Variants in RTL4 observed in about 807,000 individuals in gnomAD.
The protein encoded by RTL4 is retrotransposon Gag like 4, also known as retrotransposon Gag-like protein 4.
Under a neutral mutation model 5.3 loss-of-function variants are expected in RTL4, and 4 were observed. The ratio of observed to expected loss-of-function variants is 0.75; its 90% CI spans 0.37 to 1.72. The LOEUF (loss-of-function observed/expected upper bound fraction) is 1.72. Ranked by LOEUF, RTL4 falls within the 40% of genes most tolerant of loss-of-function variation. The pLI, the probability that RTL4 is intolerant of heterozygous loss-of-function variation, is 0.04. For synonymous variants in RTL4, 98 were observed against 87.3 expected (o/e 1.12, Z -0.68); for missense variants, 260 against 227.1 (o/e 1.14, Z -0.93).
chrX:112,300,252 A>C, the RTL4 span, among the ~76,000 whole-genome samples: 1 of 112,180 alleles, frequency 8.9e-6, no homozygotes, highest in South Asian at 3.6e-4. Context: ...TAACAGCTGC[A>C]TAATATTCCA....
At chrX:112,142,344 C>G in the RTL4 span, among the ~76,000 whole-genome samples, 54 of 112,424 alleles carry the variant, frequency 4.8e-4, no homozygotes, top group African/African-American at 1.7e-3. Context: ...CTCAAAATCT[C>G]TTTCAGGCTC....
the RTL4 span, among the ~76,000 whole-genome samples, chrX:112,125,617 C>T: frequency 3.6e-5 from 4 of 111,862 alleles, no homozygotes; most frequent in African/African-American, 1.3e-4. Context: ...GCACAATTAA[C>T]TTAGACCCCT....
the RTL4 span, among the ~76,000 whole-genome samples, chrX:112,443,542 C>A: frequency 8.9e-6 from 1 of 112,008 alleles, no homozygotes; most frequent in Non-Finnish European, 1.9e-5. Context: ...TACTAATTTA[C>A]AATCCCATCA....
the RTL4 span, among the ~76,000 whole-genome samples, chrX:112,255,058 A>C: frequency 8.9e-6 from 1 of 112,020 alleles, no homozygotes; most frequent in Non-Finnish European, 1.9e-5. Flanking sequence ...CTTAACAAAA[A>C]CTTGCAAAAT....
the RTL4 span, among the ~76,000 whole-genome samples, chrX:112,409,823 C>A: frequency 9.1e-6 from 1 of 109,821 alleles, no homozygotes; most frequent in Non-Finnish European, 1.9e-5. Context: ...GAAGAGAAGA[C>A]CCAAACCACA....
the RTL4 span, among the ~76,000 whole-genome samples, chrX:112,326,501 C>G: frequency 1.3e-4 from 15 of 111,835 alleles, no homozygotes; most frequent in African/African-American, 4.9e-4. Flanking sequence ...CTCGGAGGGT[C>G]CTACGCCCAC....
chrX:112,434,862 G>A, the RTL4 span, among the ~76,000 whole-genome samples: 4 of 111,343 alleles, frequency 3.6e-5, no homozygotes, highest in Non-Finnish European at 7.5e-5. Flanking sequence ...GGAAATATCC[G>A]AAACTGGGTA....
At chrX:112,172,579 C>T in the RTL4 span, among the ~76,000 whole-genome samples, 1 of 111,127 alleles carries the variant, frequency 9.0e-6, no homozygotes, top group Non-Finnish European at 1.9e-5. Flanking sequence ...ATAGTTCAAC[C>T]ACGGTGGAAG....
chrX:112,330,572 C>T, the RTL4 span, among the ~76,000 whole-genome samples: 2 of 110,549 alleles, frequency 1.8e-5, no homozygotes, highest in African/African-American at 3.3e-5. Context: ...ATGAAAATGG[C>T]CATACTGCCC....
chrX:112,456,973 T>A (rs1262608642), exon 1 of RTL4: 1 of 123,314 alleles, frequency 8.1e-6, no homozygotes, highest in Admixed American at 9.5e-5. Context: ...CTCCCTAAAA[T>A]GTTAAAACTG....
the RTL4 span, among the ~76,000 whole-genome samples, chrX:112,359,336 A>G: frequency 8.9e-6 from 1 of 111,769 alleles, no homozygotes; most frequent in Non-Finnish European, 1.9e-5. Context: ...TGCAAAATAA[A>G]TTATTGCTGA....
chrX:112,455,331 G>T, exon 1 of RTL4: 1 of 1,211,562 alleles, frequency 8.3e-7, no homozygotes, highest in Non-Finnish European at 1.1e-6. Context: ...TCACTGATAT[G>T]ATGGACAATC....
the RTL4 span, among the ~76,000 whole-genome samples, chrX:112,257,593 G>A: frequency 5.5e-5 from 6 of 110,048 alleles, no homozygotes; most frequent in African/African-American, 2.0e-4. Context: ...TCAGTGGCTT[G>A]TGAGGTCCCG....
At chrX:112,197,094 AAAC>A in the RTL4 span, among the ~76,000 whole-genome samples, 1 of 104,153 alleles carries the variant, frequency 9.6e-6, no homozygotes, top group African/African-American at 3.5e-5. Flanking sequence ...CCCATTTAAA[AAAC>A]AACAACTCAA....
At chrX:112,128,593 G>A in the RTL4 span, among the ~76,000 whole-genome samples, 336 of 104,912 alleles carry the variant, frequency 3.2e-3, 1 homozygote, top group African/African-American at 0.011. Context: ...CGGAAGTGGA[G>A]GTTGCAGTGA....
the RTL4 span, among the ~76,000 whole-genome samples, chrX:112,300,945 C>T: frequency 3.1e-4 from 35 of 111,376 alleles, no homozygotes; most frequent in African/African-American, 1.1e-3. Context: ...AATCAACAAC[C>T]TTTGAGACTC....
At chrX:112,347,599 G>C in the RTL4 span, among the ~76,000 whole-genome samples, 1 of 111,515 alleles carries the variant, frequency 9.0e-6, no homozygotes, top group Non-Finnish European at 1.9e-5. Context: ...GGTGAGATGG[G>C]GAACAGGAAC....
At chrX:112,138,288 C>G in the RTL4 span, among the ~76,000 whole-genome samples, 1 of 112,338 alleles carries the variant, frequency 8.9e-6, no homozygotes, top group East Asian at 2.8e-4. Context: ...TATAAAATTT[C>G]AGTTATGAAA....
upstream of RTL4, among the ~76,000 whole-genome samples, chrX:112,450,297 T>G (rs1205358221): frequency 6.2e-5 from 7 of 112,325 alleles, no homozygotes; most frequent in African/African-American, 2.3e-4. Context: ...CCTGTAATAA[T>G]TTACCAAACC....
Sources: allele counts gnomAD v4.1 joint callset (sites outside exome capture counted in the v4.1 genomes callset), GRCh38; gene constraint gnomAD v4.1.1; transcripts MANE v1.5; gene names NCBI Gene and HGNC (gene_info 2026-07-23, HGNC 2026-07-21).